The following PTCHD4 variants were observed in gnomAD, a reference collection of about 807,000 sequenced individuals.
PTCHD4 encodes patched domain containing 4.
A neutral mutation model predicts 58.1 loss-of-function variants in PTCHD4; 33 were observed. That is an observed-to-expected ratio of 0.57 (90% CI 0.43 to 0.76). The LOEUF (loss-of-function observed/expected upper bound fraction) is 0.76, where lower values mean the gene tolerates loss of function less well. Among genes scored for constraint, PTCHD4 ranks in the 30% least tolerant of loss-of-function variants. The probability of loss-of-function intolerance (pLI) is 0.00; values close to 1 mark genes in which losing one functional copy is unlikely to be tolerated. For missense variants in PTCHD4, 1,058 were observed against 1,027.1 expected, an observed-to-expected ratio of 1.03 and a Z score of -0.41; for synonymous variants, 478 against 409.6, an observed-to-expected ratio of 1.17 and a Z score of -2.02.
At position 47,869,144 on chromosome 6, in the gene PTCHD4, A is replaced by G. The variant is rs1389888070; in HGVS notation, c.*9159T>C. 6.6e-6 allele frequency among the ~76,000 whole-genome samples: 1 copy of G among 151,740 alleles called. No individual in the cohort carries two copies. The highest frequency in any genetic ancestry group is 1.5e-5 in the Non-Finnish European group (1 of 67,796). On this transcript the variant is annotated 3_prime_UTR_variant, in exon 5 of 5. Coordinates refer to ENST00000339488, the MANE Select transcript of PTCHD4 (RefSeq NM_001384253.1). Reference sequence around the variant, plus strand: ...TGTTGGTTATCTATGCGTTATGTATAATGCCACCACATTATTCATCAAAAT... The same window carrying G: ...TGTTGGTTATCTATGCGTTATGTATGATGCCACCACATTATTCATCAAAAT...
At chr6:47,965,861 G>A (rs946937520) in intron 4 of PTCHD4, among the ~76,000 whole-genome samples, 37 of 152,170 alleles carry the variant, frequency 2.4e-4, no homozygotes, top group Admixed American at 2.4e-3. Context: ...CTTGCAGTGA[G>A]CTGAGATCCG....
rs145046593 is a variant in PTCHD4, at chr6:48,074,236, T to A, written c.-969-4310A>T. 9.4e-3 allele frequency among the ~76,000 whole-genome samples: 1,425 copies of A among 152,224 alleles called. 8 individuals are homozygous for A. Among genetic ancestry groups the A allele is most frequent in the Middle Eastern group, 0.024 (7 of 294 alleles). On this transcript the variant is annotated intron_variant, in intron 1 of 4. Transcript: ENST00000339488. The stretch of plus-strand genomic sequence containing the variant: ...TTGGTTGTCTGCAGCTGTAACTGGC[T>A]TGAATAATAAGGACATTTCTTATCT...
chr6:47,895,442 G>C (rs1405270161), intron 4 of PTCHD4, among the ~76,000 whole-genome samples: 1 of 152,150 alleles, frequency 6.6e-6, no homozygotes, highest in Non-Finnish European at 1.5e-5. Flanking sequence ...AAGCATGTTA[G>C]CAGCTTGTAA....
intron 4 of PTCHD4, among the ~76,000 whole-genome samples, chr6:47,929,339 C>T (rs1765734496): frequency 6.6e-6 from 1 of 152,140 alleles, no homozygotes; most frequent in South Asian, 2.1e-4. Context: ...TATCAAGAGC[C>T]TACTTGCACC....
intron 4 of PTCHD4, among the ~76,000 whole-genome samples, chr6:47,903,375 G>A (rs1764773564): frequency 6.6e-6 from 1 of 152,008 alleles, no homozygotes. Context: ...GGAGTGCAGT[G>A]GCACAATCTC....
intron 4 of PTCHD4, among the ~76,000 whole-genome samples, chr6:47,960,100 G>A (rs1223821973): frequency 6.6e-6 from 1 of 152,132 alleles, no homozygotes; most frequent in Admixed American, 6.5e-5. Context: ...AGTATGCTAT[G>A]TAAAGTTCTT....
intron 1 of PTCHD4, among the ~76,000 whole-genome samples, chr6:48,080,399 A>T (rs114475834): frequency 0.012 from 1,863 of 152,338 alleles, 21 homozygotes; most frequent in Admixed American, 0.025. Flanking sequence ...ATCAATAGGC[A>T]TTTATAGAAA....
At chr6:47,884,335 C>G (rs1536817) in intron 4 of PTCHD4, among the ~76,000 whole-genome samples, 94,151 of 152,004 alleles carry the variant, frequency 0.62, 29,756 homozygotes, top group East Asian at 0.78. Flanking sequence ...GGTTTCCATT[C>G]TGAGGCTGGA....
At chr6:48,053,423 C>T (rs1232328933) in intron 3 of PTCHD4, among the ~76,000 whole-genome samples, 1 of 152,042 alleles carries the variant, frequency 6.6e-6, no homozygotes, top group Non-Finnish European at 1.5e-5. Context: ...AAATTAGTTG[C>T]AAAATCACAA....
Position 47,878,292 on chromosome 6 carries a change from G to C in PTCHD4, c.*11C>G. ...ACTGGAAAAGAAAAATAATCCACTG[G>C]TCTATACCCCTCATACTGTGGTGAC... On this transcript the variant is annotated 3_prime_UTR_variant, in exon 5 of 5. Coordinates refer to ENST00000339488, the MANE Select transcript of PTCHD4 (RefSeq NM_001384253.1). 1 of 1,570,030 alleles carries C rather than the reference G, an allele frequency of 6.4e-7. No homozygotes were observed. Among genetic ancestry groups the C allele is most frequent in the Non-Finnish European group, 8.6e-7 (1 of 1,160,262 alleles).
At position 47,867,111 on chromosome 6, in the gene PTCHD4, C is replaced by T. The variant is rs1487845146; in HGVS notation, c.*11192G>A. Among the ~76,000 whole-genome samples the T allele has an allele frequency of 1.3e-5, 2 of 151,740 alleles. No individual in the cohort carries two copies. Among genetic ancestry groups the T allele is most frequent in the East Asian group, 3.9e-4 (2 of 5,138 alleles). On this transcript the variant is annotated 3_prime_UTR_variant, in exon 5 of 5. Transcript: ENST00000339488. ...GGACAATAATACCTATTCTATTAGG[C>T]AGGTATTATTTGAATTGTTAATTAA...
At chr6:48,023,330 G>A (rs896011760) in intron 3 of PTCHD4, among the ~76,000 whole-genome samples, 1 of 152,068 alleles carries the variant, frequency 6.6e-6, no homozygotes, top group African/African-American at 2.4e-5. Flanking sequence ...AATATGACCG[G>A]ATAACCCCAA....
rs368774587 is a variant in PTCHD4 at position 47,879,234 on chromosome 6, T to A, written c.1601A>T (p.Asp534Val). Residue 534 changes from aspartate (D) to valine (V), a missense_variant, in exon 5 of 5, where the codon GAC becomes GTC. By Grantham distance (152) the Asp-to-Val change is radical. Transcript: ENST00000339488. ...LEYWNSSVQD[D>V]LRRLCSGFTA... ...GAATCCACTACAGAGTCTTCTTAGG[T>A]CATCCTGGACGCTGCTGTTCCAGTA... The A allele has an allele frequency of 1.7e-5, 27 of 1,612,834 alleles. No individual in the cohort carries two copies. The highest frequency in any genetic ancestry group is 2.3e-5 in the Non-Finnish European group (27 of 1,179,532).
intron 3 of PTCHD4, among the ~76,000 whole-genome samples, chr6:48,062,793 T>C (rs1764675094): frequency 6.6e-6 from 1 of 152,160 alleles, no homozygotes; most frequent in South Asian, 2.1e-4. Flanking sequence ...TACTAGAATA[T>C]ATCCCCAAAT....
intron 4 of PTCHD4, among the ~76,000 whole-genome samples, chr6:47,966,192 G>C (rs1279766715): frequency 6.6e-6 from 1 of 152,108 alleles, no homozygotes; most frequent in African/African-American, 2.4e-5. Flanking sequence ...TGATTATATA[G>C]CAGGTTCAGT....
In PTCHD4 at chr6:48,008,826, C is replaced by G; in HGVS notation, c.706G>C (p.Val236Leu). 6.2e-7 allele frequency: 1 copy of G among 1,613,998 alleles called. No homozygotes were observed. The highest frequency in any genetic ancestry group is 8.5e-7 in the Non-Finnish European group (1 of 1,179,896). ...TSILARSKVL[V>L]SLVLILTTAT... ...GTGGTCAGGATCAGCACGAGGCTCA[C>G]CAGGACCTTGCTTCTGGCCAGGATG... is the stretch of plus-strand genomic sequence containing the variant. The change falls in exon 4 of 5, where the codon GTG becomes CTG. Residue 236 changes from valine (V) to leucine (L), a missense_variant. By Grantham distance (32) the Val-to-Leu change is conservative (BLOSUM62 1). Coordinates refer to ENST00000339488, the MANE Select transcript of PTCHD4 (RefSeq NM_001384253.1).
intron 4 of PTCHD4, among the ~76,000 whole-genome samples, chr6:47,943,411 G>T (rs189541368): frequency 2.6e-5 from 4 of 152,156 alleles, no homozygotes; most frequent in Admixed American, 2.6e-4. Context: ...ACCTACTAGG[G>T]ATTGGCACTC....
In PTCHD4 at chr6:47,860,762, G is replaced by A. The variant is rs2114056941; in HGVS notation, c.*17541C>T. Among the ~76,000 whole-genome samples the A allele has an allele frequency of 2.0e-5, 3 of 152,022 alleles. No homozygotes were observed. In the South Asian group the frequency reaches 6.2e-4, roughly 32 times the overall value. On this transcript the variant is annotated 3_prime_UTR_variant, in exon 5 of 5. Transcript: ENST00000339488. The stretch of plus-strand genomic sequence containing the variant: ...GGGTTAAAAACCCACTAGTCTACTA[G>A]TTTATTTCACTCATTGCTTGGGATT...
In PTCHD4 at chr6:47,871,943, A is replaced by C. The variant is rs1274306669; in HGVS notation, c.*6360T>G. Among the ~76,000 whole-genome samples, 1 of 151,696 alleles carries C rather than the reference A, an allele frequency of 6.6e-6. No individual in the cohort carries two copies. Among genetic ancestry groups the C allele is most frequent in the Non-Finnish European group, 1.5e-5 (1 of 67,744 alleles). On this transcript the variant is annotated 3_prime_UTR_variant, in exon 5 of 5. Coordinates refer to ENST00000339488, the MANE Select transcript of PTCHD4 (RefSeq NM_001384253.1). ...GTTTGTAGCACATTTATGTTTGTGA[A>C]GAAAAGATGCCAGAATTCCCTTATT... is the stretch of plus-strand genomic sequence containing the variant.
Sources: gnomAD v4.1 joint callset for allele counts (sites outside exome capture counted in the v4.1 genomes callset) on GRCh38, gnomAD v4.1.1 for gene constraint, MANE v1.5 for transcripts, NCBI Gene and HGNC (gene_info 2026-07-23, HGNC 2026-07-21) for gene names.